Variants in RNF111 observed in about 807,000 individuals in gnomAD.
The protein encoded by RNF111 is ring finger protein 111.
Under a neutral mutation model 95.1 loss-of-function variants are expected in RNF111, and 17 were observed. The ratio of observed to expected loss-of-function variants is 0.18; its 90% CI spans 0.12 to 0.27. The LOEUF is 0.27. Among genes scored for constraint, RNF111 ranks in the 10% least tolerant of loss-of-function variants. The probability of loss-of-function intolerance (pLI) is 1.00; values close to 1 mark genes in which losing one functional copy is unlikely to be tolerated. For missense variants in RNF111, 1,189 were observed against 1,210.4 expected, an observed-to-expected ratio of 0.98 and a Z score of 0.26; for synonymous variants, 440 against 414.8, an observed-to-expected ratio of 1.06 and a Z score of -0.74.
At chr15:59,052,497 G>T in intron 3 of RNF111, 66 bp downstream of exon 3, 1 of 1,134,782 alleles carries the variant, frequency 8.8e-7, no homozygotes, top group Non-Finnish European at 1.2e-6. Context: ...TATTTGTGCT[G>T]CAGATATTTG....
intron 9 of RNF111, 79 bp from the exon 10 acceptor site, chr15:59,085,580 A>T: frequency 4.8e-6 from 6 of 1,250,702 alleles, no homozygotes; most frequent in Non-Finnish European, 6.4e-6. Flanking sequence ...TACTTTTTTA[A>T]GTGTAAACAT....
At chr15:59,044,017 T>C (rs1019914687) in intron 2 of RNF111, among the ~76,000 whole-genome samples, 1 of 152,120 alleles carries the variant, frequency 6.6e-6, no homozygotes, top group African/African-American at 2.4e-5. Flanking sequence ...TGCTCACAGA[T>C]TGGAAACTGT....
intron 1 of RNF111, among the ~76,000 whole-genome samples, chr15:58,993,731 G>A (rs1043569135): frequency 3.9e-5 from 6 of 152,192 alleles, no homozygotes; most frequent in Admixed American, 6.5e-5. Context: ...GCCTGAAGGG[G>A]CTTATGGCTT....
chr15:58,994,399 A>T (rs965569340), intron 1 of RNF111, among the ~76,000 whole-genome samples: 3 of 151,494 alleles, frequency 2.0e-5, no homozygotes, highest in Admixed American at 2.0e-4. Context: ...AATAGTACTG[A>T]GAACTCTTGA....
chr15:59,058,271 A>G (rs1443282661), intron 4 of RNF111, 85 bp from the exon 5 acceptor site: 6 of 1,103,170 alleles, frequency 5.4e-6, no homozygotes, highest in African/African-American at 1.6e-5. Flanking sequence ...TTATTTATTA[A>G]TTATAAACAC....
chr15:59,009,412 A>T (rs552513597), intron 1 of RNF111, among the ~76,000 whole-genome samples: 13 of 151,950 alleles, frequency 8.6e-5, no homozygotes, highest in Admixed American at 2.6e-4. Flanking sequence ...TGTGCTTTTT[A>T]CAAGTGACCA....
rs1595996890 is a variant in RNF111, at chr15:58,988,072, A to C, written c.-20+4A>C. ...AAGAGGGTGGCTAATGATTAAGGTGAGGGGAACGGGGGGGGAGGGGATCCA... is the reference window on the plus strand; with the variant it reads ...AAGAGGGTGGCTAATGATTAAGGTGCGGGGAACGGGGGGGGAGGGGATCCA... On this transcript the variant is annotated splice_donor_region_variant and intron_variant, in intron 1 of 13. Coordinates refer to ENST00000348370, the MANE Select transcript of RNF111 (RefSeq NM_017610.8). 3.4e-5 allele frequency: 2 copies of C among 58,212 alleles called. No individual in the cohort carries two copies. Among genetic ancestry groups the C allele is most frequent in the African/African-American group, 1.2e-4 (2 of 16,086 alleles). 3.6% of individuals were successfully genotyped at this position (58,212 alleles called of 1,614,324 possible).
In RNF111 at chr15:59,001,627, A is replaced by G. The variant is rs73414897; in HGVS notation, c.-20+13559A>G. On this transcript the variant is annotated intron_variant, in intron 1 of 13. Coordinates refer to ENST00000348370, the MANE Select transcript of RNF111 (RefSeq NM_017610.8). ...TTTGGCGAATAGGTTCACTTTAGGA[A>G]GACTAAGTCTATTTTGACAGCTAGG... 8.4e-3 allele frequency among the ~76,000 whole-genome samples: 1,278 copies of G among 152,312 alleles called. 19 individuals are homozygous for G. Among genetic ancestry groups the G allele is most frequent in the African/African-American group, 0.029 (1,219 of 41,576 alleles).
intron 1 of RNF111, among the ~76,000 whole-genome samples, chr15:59,013,863 A>G (rs2039942793): frequency 6.6e-6 from 1 of 151,834 alleles, no homozygotes; most frequent in East Asian, 1.9e-4. Context: ...TTCTTGGCTC[A>G]CTGCAACCTC....
At chr15:59,050,408 G>T in intron 2 of RNF111, 1 of 152,480 alleles carries the variant, frequency 6.6e-6, no homozygotes, top group Non-Finnish European at 1.5e-5. Context: ...ATTGGAAGAT[G>T]GTGGTTTCTG....
chr15:59,032,048 C>G (rs894073489), intron 2 of RNF111, among the ~76,000 whole-genome samples: 2 of 152,052 alleles, frequency 1.3e-5, no homozygotes, highest in Non-Finnish European at 2.9e-5. Context: ...AAGCAATTCT[C>G]CTGCGTCAGC....
intron 1 of RNF111, among the ~76,000 whole-genome samples, chr15:59,008,611 A>ACT (rs1469829694): frequency 6.6e-6 from 1 of 151,972 alleles, no homozygotes; most frequent in Non-Finnish European, 1.5e-5. Flanking sequence ...CTGTTTCTGG[A>ACT]CTCTCTAGTC....
chr15:59,075,850 T>C, intron 6 of RNF111, 104 bp from the exon 7 acceptor site: 2 of 1,265,558 alleles, frequency 1.6e-6, no homozygotes, highest in Non-Finnish European at 2.2e-6. Flanking sequence ...TCAAACTAAT[T>C]TAAAGATTAT....
chr15:59,000,201 TTA>T (rs2039263826), intron 1 of RNF111, among the ~76,000 whole-genome samples: 1 of 147,796 alleles, frequency 6.8e-6, no homozygotes, highest in Non-Finnish European at 1.5e-5. Context: ...TCTCTCTCTG[TTA>T]CCCAGGCTAG....
At chr15:59,028,781 A>AT (rs34725448) in intron 1 of RNF111, among the ~76,000 whole-genome samples, 129,735 of 147,196 alleles carry the variant, frequency 0.88, 57,223 homozygotes, top group South Asian at 0.91. Context: ...TTTGTGTTTA[A>AT]TTTTTTTTTT....
In RNF111 at chr15:59,067,016, A is replaced by G. The variant is rs1324900381; in HGVS notation, c.1619A>G (p.Glu540Gly). The change falls in exon 6 of 14, where the codon GAA (glutamate) becomes GGA (glycine). Residue 540 changes from glutamate (E) to glycine (G), a missense_variant. Coordinates refer to ENST00000348370, the MANE Select transcript of RNF111 (RefSeq NM_017610.8). ...TTTAGTGATCCTGCTTGCCCTGTGG[A>G]AAGACCTCCACAAGTACAAGCACCT... ...PSFSDPACPV[E>G]RPPQVQAPCG... is the part of the protein sequence containing the mutation. 6.2e-7 allele frequency: 1 copy of G among 1,614,098 alleles called. No homozygotes were observed. Among genetic ancestry groups the G allele is most frequent in the Non-Finnish European group, 8.5e-7 (1 of 1,180,000 alleles).
chr15:59,049,362 ATTT>A lies in RNF111; in HGVS notation c.881-2921_881-2919del, dbSNP rs567223230. 5.5e-3 allele frequency: 389 copies of A among 70,758 alleles called. 2 individuals are homozygous for A. Among genetic ancestry groups the A allele is most frequent in the African/African-American group, 0.019 (307 of 15,838 alleles). The allele number at this position is 70,758 out of a possible 1,614,324, so 4.4% of individuals were successfully genotyped here. ...TTTATTTATAGTCCAGGTGTCTTTGATTTTTTTTTTTTTTTTTTTTTTTTGGCC... is the reference window on the plus strand; with the variant it reads ...TTTATTTATAGTCCAGGTGTCTTTGATTTTTTTTTTTTTTTTTTTTTGGCC... On this transcript the variant is annotated intron_variant, in intron 2 of 13. Coordinates refer to ENST00000348370, the MANE Select transcript of RNF111 (RefSeq NM_017610.8).
chr15:59,016,243 C>T (rs2040062050), intron 1 of RNF111, among the ~76,000 whole-genome samples: 1 of 151,274 alleles, frequency 6.6e-6, no homozygotes, highest in East Asian at 1.9e-4. Context: ...GATTTTGGCT[C>T]ACTGCAACCT....
chr15:59,021,728 G>A (rs11852461), intron 1 of RNF111, among the ~76,000 whole-genome samples: 60,144 of 151,938 alleles, frequency 0.4, 12,343 homozygotes, highest in African/African-American at 0.5. Flanking sequence ...AGTGATCCCT[G>A]GATCGAAAAT....
Sources: allele counts gnomAD v4.1 joint callset (sites outside exome capture counted in the v4.1 genomes callset), GRCh38; gene constraint gnomAD v4.1.1; transcripts MANE v1.5; gene names NCBI Gene and HGNC (gene_info 2026-07-23, HGNC 2026-07-21).